The following AGBL4 variants were observed in gnomAD, a reference collection of about 807,000 sequenced individuals.
The protein encoded by AGBL4 is AGBL carboxypeptidase 4, also known as cytosolic carboxypeptidase 6.
A neutral mutation model predicts 66.4 loss-of-function variants in AGBL4; 58 were observed. That is an observed-to-expected ratio of 0.87 (90% CI 0.71 to 1.09). The LOEUF (loss-of-function observed/expected upper bound fraction) is 1.09. AGBL4 is among the 50% of genes least tolerant of loss of function. The pLI is 0.00. For synonymous variants in AGBL4, 234 were observed against 222.9 expected (o/e 1.05, Z -0.44); for missense variants, 579 against 631.0 (o/e 0.92, Z 0.88).
chr1:49,617,880 G>C (rs1370488755), intron 3 of AGBL4, among the ~76,000 whole-genome samples: 4 of 152,162 alleles, frequency 2.6e-5, no homozygotes, highest in Non-Finnish European at 5.9e-5. Flanking sequence ...TACACTTTAA[G>C]CTCTGGAATA....
intron 3 of AGBL4, among the ~76,000 whole-genome samples, chr1:49,523,002 A>T (rs142073997): frequency 6.6e-6 from 1 of 152,126 alleles, no homozygotes; most frequent in Non-Finnish European, 1.5e-5. Context: ...GTGCATAGCA[A>T]TGTATGAGGA....
At chr1:49,099,580 T>C (rs902181739) in intron 4 of AGBL4, among the ~76,000 whole-genome samples, 1 of 152,164 alleles carries the variant, frequency 6.6e-6, no homozygotes, top group African/African-American at 2.4e-5. Context: ...CAGAATAACT[T>C]TGCCATGGAA....
chr1:48,692,317 A>G (rs1646645489), intron 6 of AGBL4, among the ~76,000 whole-genome samples: 1 of 152,204 alleles, frequency 6.6e-6, no homozygotes, highest in Non-Finnish European at 1.5e-5. Flanking sequence ...AGAGGCACTG[A>G]CAGCTTCCAG....
At chr1:49,898,726 A>G (rs1176389269) in intron 1 of AGBL4, among the ~76,000 whole-genome samples, 1 of 152,194 alleles carries the variant, frequency 6.6e-6, no homozygotes, top group Non-Finnish European at 1.5e-5. Flanking sequence ...AGTGCCTGTA[A>G]ATAGATGAAT....
rs191524340 is a variant in AGBL4 at position 49,549,403 on chromosome 1, G to T, written c.282+147910C>A. 2.3e-3 allele frequency among the ~76,000 whole-genome samples: 354 copies of T among 151,814 alleles called. 3 individuals are homozygous for T. Among genetic ancestry groups the T allele is most frequent in the Admixed American group, 2.8e-3 (43 of 15,234 alleles). On this transcript the variant is annotated intron_variant, in intron 3 of 13. Transcript: ENST00000371839. ...CAATTTGTGCTCTTTCAATCTTTTT[G>T]ATGTAGGCGTTGAGGGCTGTGGACT...
At chr1:49,396,970 T>C (rs919182691) in intron 3 of AGBL4, among the ~76,000 whole-genome samples, 2 of 152,088 alleles carry the variant, frequency 1.3e-5, no homozygotes, top group African/African-American at 4.8e-5. Flanking sequence ...GGTTTCAGGG[T>C]GATTCAAGTA....
intron 3 of AGBL4, among the ~76,000 whole-genome samples, chr1:49,360,789 C>T (rs955446088): frequency 2.1e-4 from 32 of 151,938 alleles, no homozygotes; most frequent in East Asian, 1.9e-4. Flanking sequence ...AAAACGAATC[C>T]GCATGTTATT....
chr1:49,446,695 CTGG>C (rs1646164607), intron 3 of AGBL4, among the ~76,000 whole-genome samples: 1 of 152,106 alleles, frequency 6.6e-6, no homozygotes, highest in Admixed American at 6.6e-5. Flanking sequence ...CATGGATGTC[CTGG>C]TGTGGACGAT....
intron 3 of AGBL4, among the ~76,000 whole-genome samples, chr1:49,631,965 G>A (rs1645578146): frequency 6.6e-6 from 1 of 152,176 alleles, no homozygotes; most frequent in African/African-American, 2.4e-5. Context: ...AGTGGATCCA[G>A]GGGAGCAGAA....
At chr1:48,529,256 G>A (rs34045604), downstream of AGBL4, among the ~76,000 whole-genome samples, 8,095 of 151,824 alleles carry the variant, frequency 0.053, 226 homozygotes, top group Middle Eastern at 0.061. Flanking sequence ...CTGTCTGTAC[G>A]TCATCTGGGG....
chr1:49,948,180 CTA>C (rs1424287547), intron 1 of AGBL4, among the ~76,000 whole-genome samples: 5 of 82,424 alleles, frequency 6.1e-5, no homozygotes, highest in African/African-American at 2.1e-4. Flanking sequence ...ATATATATAA[CTA>C]TATATAAATA....
chr1:49,724,651 T>C (rs1029541416), intron 2 of AGBL4, among the ~76,000 whole-genome samples: 1 of 152,098 alleles, frequency 6.6e-6, no homozygotes, highest in African/African-American at 2.4e-5. Context: ...TAACCCCCAA[T>C]TTGTCTGTAC....
intron 1 of AGBL4, among the ~76,000 whole-genome samples, chr1:49,952,718 A>G (rs914149614): frequency 6.6e-6 from 1 of 151,968 alleles, no homozygotes; most frequent in East Asian, 1.9e-4. Context: ...TACAGAAGAC[A>G]GTCCCAGTAA....
chr1:48,904,453 T>G (rs1652394019), intron 5 of AGBL4, among the ~76,000 whole-genome samples: 2 of 152,210 alleles, frequency 1.3e-5, no homozygotes, highest in Non-Finnish European at 2.9e-5. Context: ...GCATGTCAAA[T>G]GTTTATTTGA....
rs537983447 is a variant in AGBL4 at position 49,117,999 on chromosome 1, T to A, written c.378-72199A>T. Among the ~76,000 whole-genome samples the A allele has an allele frequency of 4.5e-4, 68 of 152,248 alleles. 2 individuals carry two copies. The East Asian group carries it at 0.01, about 23-fold the overall frequency. ...TTGTAGCAATTGTGAATGGGAATTC[T>A]CTCATGATTTGGCTCTCTGTCTGTT... On this transcript the variant is annotated intron_variant, in intron 4 of 13. Coordinates refer to ENST00000371839, the MANE Select transcript of AGBL4 (RefSeq NM_032785.4).
chr1:49,581,403 T>A (rs748332048), intron 3 of AGBL4, among the ~76,000 whole-genome samples: 5 of 152,184 alleles, frequency 3.3e-5, no homozygotes, highest in Non-Finnish European at 7.4e-5. Context: ...GAGGGCATCA[T>A]ATCACCTCAT....
chr1:48,890,078 TAACACTGG>T (rs1250441311), intron 5 of AGBL4, among the ~76,000 whole-genome samples: 71 of 152,082 alleles, frequency 4.7e-4, no homozygotes, highest in African/African-American at 1.6e-3. Flanking sequence ...AGCTGGGTTG[TAACACTGG>T]AACACAGGGC....
At chr1:49,711,242 T>A (rs1025493579) in intron 2 of AGBL4, among the ~76,000 whole-genome samples, 2 of 152,100 alleles carry the variant, frequency 1.3e-5, no homozygotes, top group Admixed American at 1.3e-4. Context: ...GTCATAGATA[T>A]CTAACCAAGA....
intron 2 of AGBL4, among the ~76,000 whole-genome samples, chr1:49,761,500 ACCTTCGTTAGTCTCTT>A (rs1652313147): frequency 6.6e-6 from 1 of 152,164 alleles, no homozygotes. Flanking sequence ...TAGCTTTGAG[ACCTTCGTTAGTCTCTT>A]CCCTTTTTGG....
Sources: gnomAD v4.1 joint callset for allele counts (sites outside exome capture counted in the v4.1 genomes callset) on GRCh38, gnomAD v4.1.1 for gene constraint, MANE v1.5 for transcripts, NCBI Gene and HGNC (gene_info 2026-07-23, HGNC 2026-07-21) for gene names.